Variants in RAB8B observed in about 807,000 individuals in gnomAD.
The protein encoded by RAB8B is RAB8B, member RAS oncogene family, also known as ras-related protein Rab-8B.
In RAB8B, 11 loss-of-function variants were observed where a neutral mutation model predicts 32.0. The ratio of observed to expected loss-of-function variants is 0.34; its 90% CI spans 0.22 to 0.57. The LOEUF (loss-of-function observed/expected upper bound fraction) is 0.57. Among genes scored for constraint, RAB8B ranks in the 20% least tolerant of loss-of-function variants. The pLI, the probability that RAB8B is intolerant of heterozygous loss-of-function variation, is 0.86. For missense variants in RAB8B, 190 were observed against 258.5 expected (o/e 0.73, Z 1.82); for synonymous variants, 103 against 89.6 (o/e 1.15, Z -0.85).
chr15:63,213,454 A>G (rs1400161576), intron 1 of RAB8B, among the ~76,000 whole-genome samples: 4 of 152,202 alleles, frequency 2.6e-5, no homozygotes, highest in African/African-American at 9.6e-5. Flanking sequence ...GTTCAAGTCT[A>G]TTTAGTTACT....
At chr15:63,190,690 G>A (rs2037548848) in intron 1 of RAB8B, among the ~76,000 whole-genome samples, 1 of 152,162 alleles carries the variant, frequency 6.6e-6, no homozygotes, top group Non-Finnish European at 1.5e-5. Flanking sequence ...GGTGACTTTT[G>A]GAAATGATGT....
At chr15:63,220,714 T>C (rs1193104500) in intron 1 of RAB8B, among the ~76,000 whole-genome samples, 1 of 152,220 alleles carries the variant, frequency 6.6e-6, no homozygotes, top group Non-Finnish European at 1.5e-5. Flanking sequence ...AACCTGATTG[T>C]ATTCCAAAGT....
intron 1 of RAB8B, among the ~76,000 whole-genome samples, chr15:63,242,570 C>T (rs763604773): frequency 2.0e-5 from 3 of 151,992 alleles, no homozygotes; most frequent in Non-Finnish European, 2.9e-5. Flanking sequence ...CCCAGCTACT[C>T]GGGAGGCTGA....
rs201045429 is a variant in RAB8B, at chr15:63,262,649, A to G, written c.481-43A>G. On this transcript the variant is annotated intron_variant, in intron 6 of 7. Transcript: ENST00000321437. ...TGTATATATATATATATACATATAT[A>G]TAGTGAATATATAATAATGAAAATG... 20 of 667,020 alleles carry G rather than the reference A, an allele frequency of 3.0e-5. 1 individual carries two copies. In the Middle Eastern group the frequency reaches 1.9e-3, roughly 63 times the overall value. The allele number at this position is 667,020 out of a possible 1,614,324, so 41.3% of individuals were successfully genotyped here.
chr15:63,232,477 G>A (rs2037943372), intron 1 of RAB8B, among the ~76,000 whole-genome samples: 1 of 152,128 alleles, frequency 6.6e-6, no homozygotes, highest in Non-Finnish European at 1.5e-5. Flanking sequence ...TAGATCTTAT[G>A]GGTACAGCTG....
intron 1 of RAB8B, among the ~76,000 whole-genome samples, chr15:63,205,916 A>G (rs749113241): frequency 6.6e-6 from 1 of 152,218 alleles, no homozygotes; most frequent in African/African-American, 2.4e-5. Context: ...ATGTGCCTCC[A>G]TGGTGGAAGA....
intron 3 of RAB8B, among the ~76,000 whole-genome samples, chr15:63,253,555 G>T (rs1474531703): frequency 6.6e-6 from 1 of 152,100 alleles, no homozygotes; most frequent in African/African-American, 2.4e-5. Flanking sequence ...GGTGGCTCAT[G>T]CCCGTAATCT....
At chr15:63,218,286 T>G (rs1225700511) in intron 1 of RAB8B, among the ~76,000 whole-genome samples, 3 of 152,188 alleles carry the variant, frequency 2.0e-5, no homozygotes, top group Non-Finnish European at 4.4e-5. Context: ...CTTGCAGACT[T>G]GTTATGAGAA....
chr15:63,228,681 G>C (rs2037909095), intron 1 of RAB8B, among the ~76,000 whole-genome samples: 1 of 152,208 alleles, frequency 6.6e-6, no homozygotes, highest in Non-Finnish European at 1.5e-5. Context: ...ATTCACACTA[G>C]CTCTTTCAGA....
At chr15:63,214,458 A>G (rs953949080) in intron 1 of RAB8B, among the ~76,000 whole-genome samples, 7 of 151,302 alleles carry the variant, frequency 4.6e-5, no homozygotes, top group Non-Finnish European at 7.4e-5. Flanking sequence ...TGCCTGGCTA[A>G]TTTTTGTATT....
At chr15:63,257,382 C>T (rs2038166330) in intron 5 of RAB8B, among the ~76,000 whole-genome samples, 2 of 151,884 alleles carry the variant, frequency 1.3e-5, no homozygotes. Flanking sequence ...GCCTCAGCCT[C>T]CAAGAAGGTG....
intron 1 of RAB8B, among the ~76,000 whole-genome samples, chr15:63,233,408 C>T (rs2037952315): frequency 6.6e-6 from 1 of 152,054 alleles, no homozygotes; most frequent in African/African-American, 2.4e-5. Context: ...TTTACATTTT[C>T]TCCAAGTCCT....
At position 63,262,640 on chromosome 15, in the gene RAB8B, T is replaced by C. The variant is rs200408595; in HGVS notation, c.481-52T>C. The stretch of plus-strand genomic sequence containing the variant: ...ATATATATGTGTATATATATATATA[T>C]ACATATATATAGTGAATATATAATA... On this transcript the variant is annotated intron_variant, in intron 6 of 7. Transcript: ENST00000321437. 2.2e-3 allele frequency: 1,019 copies of C among 464,772 alleles called. 7 individuals are homozygous for C. Among genetic ancestry groups the C allele is most frequent in the Middle Eastern group, 6.5e-3 (9 of 1,380 alleles). 28.8% of individuals were successfully genotyped at this position (464,772 alleles called of 1,614,324 possible).
chr15:63,261,074 C>A (rs935952314), intron 6 of RAB8B, among the ~76,000 whole-genome samples: 1 of 152,092 alleles, frequency 6.6e-6, no homozygotes, highest in Admixed American at 6.5e-5. Flanking sequence ...AAAGGATTTC[C>A]CGCCATCAGA....
intron 6 of RAB8B, among the ~76,000 whole-genome samples, chr15:63,260,285 G>T (rs186206301): frequency 5.8e-4 from 89 of 152,324 alleles, no homozygotes; most frequent in Middle Eastern, 3.4e-3. Flanking sequence ...TGGACTAGAA[G>T]ACCAACCAGT....
At chr15:63,260,169 T>G (rs1220896603) in intron 6 of RAB8B, among the ~76,000 whole-genome samples, 7 of 152,214 alleles carry the variant, frequency 4.6e-5, no homozygotes, top group Non-Finnish European at 8.8e-5. Flanking sequence ...TTGTTGAATT[T>G]CTAGCATCTA....
chr15:63,240,558 T>C (rs1210529443), intron 1 of RAB8B, among the ~76,000 whole-genome samples: 1 of 152,188 alleles, frequency 6.6e-6, no homozygotes, highest in Non-Finnish European at 1.5e-5. Context: ...TGTAGTGAAA[T>C]TCTTACTTAC....
intron 1 of RAB8B, among the ~76,000 whole-genome samples, chr15:63,220,699 A>C (rs1489411854): frequency 6.6e-6 from 1 of 152,200 alleles, no homozygotes; most frequent in Non-Finnish European, 1.5e-5. Context: ...ATCTAGACAT[A>C]TGTAAACCTG....
At chr15:63,236,064 T>A (rs540188236) in intron 1 of RAB8B, among the ~76,000 whole-genome samples, 6 of 152,192 alleles carry the variant, frequency 3.9e-5, no homozygotes, top group Non-Finnish European at 8.8e-5. Flanking sequence ...CTGCGTAAAT[T>A]GCTGCATCTC....
Sources: gnomAD v4.1 joint callset for allele counts (sites outside exome capture counted in the v4.1 genomes callset) on GRCh38, gnomAD v4.1.1 for gene constraint, MANE v1.5 for transcripts, NCBI Gene and HGNC (gene_info 2026-07-23, HGNC 2026-07-21) for gene names.